Variants in CMIP observed in about 807,000 individuals in gnomAD.
CMIP encodes c-Maf inducing protein.
In CMIP, 13 loss-of-function variants were observed where a neutral mutation model predicts 97.3. The ratio of observed to expected loss-of-function variants is 0.13; its 90% confidence interval spans 0.09 to 0.21. The LOEUF is 0.21. Among genes scored for constraint, CMIP ranks in the 10% least tolerant of loss-of-function variants. The pLI is 1.00. For synonymous variants in CMIP, 538 were observed against 436.3 expected (o/e 1.23, Z -2.91); for missense variants, 847 against 1,024.9 (o/e 0.83, Z 2.37).
chr16:81,645,916 G>A (rs1416516907), intron 3 of CMIP: 2 of 449,378 alleles, frequency 4.5e-6, no homozygotes, highest in Admixed American at 3.7e-5. Context: ...GGAAACTGGT[G>A]CAAGTAATAG....
chr16:81,545,328 A>C (rs751601731), intron 1 of CMIP, among the ~76,000 whole-genome samples: 24 of 152,254 alleles, frequency 1.6e-4, no homozygotes, highest in Non-Finnish European at 2.6e-4. Flanking sequence ...ACCAGCGCCT[A>C]GCATGGTGCC....
At chr16:81,452,978 C>A (rs1775689889) in intron 1 of CMIP, among the ~76,000 whole-genome samples, 1 of 140,450 alleles carries the variant, frequency 7.1e-6, no homozygotes, top group African/African-American at 2.6e-5. Flanking sequence ...TCTTAAATGA[C>A]AAAGCCCAGC....
chr16:81,693,819 T>G (rs1254940187), intron 13 of CMIP, among the ~76,000 whole-genome samples: 1 of 152,200 alleles, frequency 6.6e-6, no homozygotes, highest in East Asian at 1.9e-4. Flanking sequence ...TGCTATTATG[T>G]GAATCACTGG....
intron 1 of CMIP, among the ~76,000 whole-genome samples, chr16:81,504,547 GC>G (rs1437427301): frequency 6.8e-6 from 1 of 146,886 alleles, no homozygotes; most frequent in African/African-American, 2.5e-5. Flanking sequence ...GGAGGCTGAG[GC>G]AGGAGAATCG....
intron 1 of CMIP, among the ~76,000 whole-genome samples, chr16:81,497,829 G>A (rs2089520006): frequency 6.6e-6 from 1 of 152,238 alleles, no homozygotes; most frequent in Non-Finnish European, 1.5e-5. Flanking sequence ...CAGCCTCAAG[G>A]GCTACAAAGA....
chr16:81,690,097 T>C (rs7405294), intron 10 of CMIP, among the ~76,000 whole-genome samples: 36,111 of 151,858 alleles, frequency 0.24, 4,388 homozygotes, highest in Non-Finnish European at 0.26. Flanking sequence ...GTGATGCCTC[T>C]AGCTTTGTTC....
At chr16:81,566,731 C>T (rs2150881272) in intron 1 of CMIP, among the ~76,000 whole-genome samples, 1 of 152,238 alleles carries the variant, frequency 6.6e-6, no homozygotes, top group Non-Finnish European at 1.5e-5. Context: ...GTCATAGTAG[C>T]CTCCAACTAG....
chr16:81,499,848 T>G (rs1013324598), intron 1 of CMIP, among the ~76,000 whole-genome samples: 2 of 152,208 alleles, frequency 1.3e-5, no homozygotes, highest in Non-Finnish European at 2.9e-5. Context: ...GCATTCAGAT[T>G]CAAGTCTGGG....
rs529044883 is a variant in CMIP, at chr16:81,645,810, T to C, written c.478-6393T>C. 71 of 599,400 alleles carry C rather than the reference T, an allele frequency of 1.2e-4. 1 individual carries two copies. The African/African-American group carries it at 1.2e-3, about 10-fold the overall frequency. The allele number at this position is 599,400 out of a possible 1,614,324, so 37.1% of individuals were successfully genotyped here. A position where few individuals can be genotyped will look rare whatever the true frequency, so the allele number is the denominator to read the frequency against. ...GGTGAAAACAATCAGAGCTGCTGTT[T>C]AGCCAGGAACTGAGCTAAGTGTTTT... On this transcript the variant is annotated intron_variant, in intron 3 of 20. Transcript: ENST00000537098.
At chr16:81,583,545 A>G (rs1208783498) in intron 1 of CMIP, among the ~76,000 whole-genome samples, 2 of 152,182 alleles carry the variant, frequency 1.3e-5, no homozygotes, top group Non-Finnish European at 2.9e-5. Flanking sequence ...ACTTGTCAAT[A>G]GAGTTTCTCA....
At chr16:81,540,310 G>A (rs1262151241) in intron 1 of CMIP, among the ~76,000 whole-genome samples, 1 of 152,132 alleles carries the variant, frequency 6.6e-6, no homozygotes, top group Non-Finnish European at 1.5e-5. Context: ...CGTGAGATGG[G>A]CTTGCTCACC....
chr16:81,693,257 C>A, intron 12 of CMIP, 73 bp downstream of exon 12: 1 of 1,473,814 alleles, frequency 6.8e-7, no homozygotes, highest in Non-Finnish European at 9.4e-7. Context: ...CCCTCCGTGG[C>A]CCATGCATTC....
intron 1 of CMIP, among the ~76,000 whole-genome samples, chr16:81,500,848 T>C (rs1463876334): frequency 6.6e-6 from 1 of 152,190 alleles, no homozygotes; most frequent in Non-Finnish European, 1.5e-5. Context: ...CCTTCCTTCT[T>C]TCTTTCCTTC....
chr16:81,702,719 CCT>C (rs1567674549), intron 17 of CMIP, 50 bp downstream of exon 17: 1 of 1,562,814 alleles, frequency 6.4e-7, no homozygotes, highest in Admixed American at 1.7e-5. Flanking sequence ...GTGGGTTGGT[CCT>C]CTCTGTTGGG....
chr16:81,527,928 C>A (rs1597509495), intron 1 of CMIP, among the ~76,000 whole-genome samples: 1 of 152,196 alleles, frequency 6.6e-6, no homozygotes, highest in Non-Finnish European at 1.5e-5. Context: ...GCATGAAATT[C>A]TGTTGGCTTA....
intron 18 of CMIP, 137 bp from the exon 19 acceptor site, chr16:81,705,362 C>A: frequency 1.6e-6 from 1 of 621,290 alleles, no homozygotes; most frequent in Non-Finnish European, 2.8e-6. Flanking sequence ...GAACGCAGCC[C>A]AGACCCCAGG....
At chr16:81,611,458 C>G (rs537077149) in intron 2 of CMIP, 1 of 152,780 alleles carries the variant, frequency 6.5e-6, no homozygotes, top group South Asian at 2.1e-4. Flanking sequence ...TGCCCCTTCC[C>G]TACCCCAGCC....
At chr16:81,504,250 C>T (rs570408336) in intron 1 of CMIP, among the ~76,000 whole-genome samples, 5 of 151,888 alleles carry the variant, frequency 3.3e-5, no homozygotes, top group East Asian at 1.9e-4. Context: ...CGCTTGAACC[C>T]GGGAGGCAGA....
chr16:81,633,391 C>G (rs1004813732), intron 3 of CMIP, among the ~76,000 whole-genome samples: 1 of 152,160 alleles, frequency 6.6e-6, no homozygotes. Context: ...CCTGTTGGCT[C>G]GGAGATGAGG....
Sources: gnomAD v4.1 joint callset for allele counts (sites outside exome capture counted in the v4.1 genomes callset) on GRCh38, gnomAD v4.1.1 for gene constraint, MANE v1.5 for transcripts, NCBI Gene and HGNC (gene_info 2026-07-23, HGNC 2026-07-21) for gene names.